Variants in GALNT3 observed in about 807,000 individuals in gnomAD.
GALNT3 encodes GalNAc transferase 3.
In GALNT3, 51 loss-of-function variants were observed where a neutral mutation model predicts 69.8. That is an observed-to-expected ratio of 0.73 (90% CI 0.58 to 0.92). The LOEUF is 0.92. GALNT3 is among the 40% of genes least tolerant of loss of function. The probability of loss-of-function intolerance (pLI) is 0.00; values close to 1 mark genes in which losing one functional copy is unlikely to be tolerated. For synonymous variants in GALNT3, 265 were observed against 248.5 expected (o/e 1.07, Z -0.63); for missense variants, 711 against 760.0 (o/e 0.94, Z 0.76).
chr2:165,748,920 C>A lies in GALNT3; in HGVS notation c.1780-17G>T. Reference sequence around the variant, plus strand: ...AAGTTGATCCTAGAATAAAAGGAAACAACAGACATTAAATTCCAAGACTCA... The same window carrying A: ...AAGTTGATCCTAGAATAAAAGGAAAAAACAGACATTAAATTCCAAGACTCA... On this transcript the variant is annotated splice_polypyrimidine_tract_variant and intron_variant, in intron 10 of 10. Coordinates refer to ENST00000392701, the MANE Select transcript of GALNT3 (RefSeq NM_004482.4). 6.2e-7 allele frequency: 1 copy of A among 1,604,564 alleles called. No individual in the cohort carries two copies. The highest frequency in any genetic ancestry group is 1.1e-5 in the South Asian group (1 of 90,468).
chr2:165,778,005 C>G (rs1683006632), intron 1 of GALNT3, among the ~76,000 whole-genome samples: 1 of 152,150 alleles, frequency 6.6e-6, no homozygotes, highest in Non-Finnish European at 1.5e-5. Context: ...CTCAGCTACC[C>G]CTGGTCAGGT....
chr2:165,782,667 T>G (rs1683137376), intron 1 of GALNT3, among the ~76,000 whole-genome samples: 1 of 152,186 alleles, frequency 6.6e-6, no homozygotes, highest in Non-Finnish European at 1.5e-5. Context: ...CTGAGCACTT[T>G]TAAGTCTCCA....
intron 9 of GALNT3, among the ~76,000 whole-genome samples, chr2:165,751,058 G>T (rs1688349619): frequency 6.6e-6 from 1 of 152,106 alleles, no homozygotes; most frequent in South Asian, 2.1e-4. Context: ...TGTGTGTGGT[G>T]TGTAGACCTG....
intron 7 of GALNT3, 118 bp from the exon 8 acceptor site, chr2:165,755,181 A>G: frequency 1.0e-6 from 1 of 974,430 alleles, no homozygotes; most frequent in Non-Finnish European, 1.6e-6. Flanking sequence ...CTAAAAATTC[A>G]AGAGGCAATT....
At chr2:165,764,107 A>G (rs752370010) in intron 3 of GALNT3, among the ~76,000 whole-genome samples, 2 of 152,250 alleles carry the variant, frequency 1.3e-5, no homozygotes, top group Non-Finnish European at 2.9e-5. Context: ...TTTACAAGTT[A>G]GAGTATTTGT....
At chr2:165,781,453 C>T (rs956612419) in intron 1 of GALNT3, among the ~76,000 whole-genome samples, 9 of 151,792 alleles carry the variant, frequency 5.9e-5, no homozygotes, top group African/African-American at 1.7e-4. Flanking sequence ...ATAAATTAGC[C>T]GGGTGTGGTG....
rs149017052 is a variant in GALNT3, at chr2:165,757,212, A to T, written c.1227T>A (p.Pro409=). Residue 409 remains proline (P), a synonymous_variant, in exon 7 of 11, where the codon CCT becomes CCA. Coordinates refer to ENST00000392701, the MANE Select transcript of GALNT3 (RefSeq NM_004482.4). ...GAAAAACATGTCCAACAACAGAGCA[A>T]GGCATAATCTCCAACTGCCCACCAC... ...WQCGGQLEIM[P]CSVVGHVFRS... 1.7e-4 allele frequency: 271 copies of T among 1,613,970 alleles called. No homozygotes were observed. The highest frequency in any genetic ancestry group is 2.3e-4 in the Non-Finnish European group (268 of 1,179,954).
At chr2:165,769,420 A>AATAATAATAATAATG (rs1435245640) in intron 2 of GALNT3, among the ~76,000 whole-genome samples, 1 of 139,194 alleles carries the variant, frequency 7.2e-6, no homozygotes, top group Non-Finnish European at 1.5e-5. Context: ...TAATAATAAT[A>AATAATAATAATAATG]ATAATAATAA....
At chr2:165,774,702 T>C (rs1688813824) in intron 1 of GALNT3, among the ~76,000 whole-genome samples, 1 of 152,120 alleles carries the variant, frequency 6.6e-6, no homozygotes, top group African/African-American at 2.4e-5. Context: ...TTCTGGCCCT[T>C]ACCACAATGT....
intron 9 of GALNT3, among the ~76,000 whole-genome samples, chr2:165,750,482 C>T (rs1045676888): frequency 6.6e-6 from 1 of 152,152 alleles, no homozygotes; most frequent in African/African-American, 2.4e-5. Flanking sequence ...CCAAGTAATT[C>T]GTCCCTTAGC....
intron 3 of GALNT3, among the ~76,000 whole-genome samples, chr2:165,762,721 A>G (rs1688574146): frequency 6.6e-6 from 1 of 152,220 alleles, no homozygotes; most frequent in Non-Finnish European, 1.5e-5. Context: ...AAATTGGATA[A>G]GGTTTGTAAT....
At chr2:165,784,264 T>A (rs1451922488) in intron 1 of GALNT3, among the ~76,000 whole-genome samples, 10 of 152,134 alleles carry the variant, frequency 6.6e-5, no homozygotes, top group Non-Finnish European at 1.2e-4. Context: ...GAGGCCCTGA[T>A]GAGTTTTCAG....
chr2:165,781,340 G>A (rs1270425687), intron 1 of GALNT3, among the ~76,000 whole-genome samples: 2 of 152,132 alleles, frequency 1.3e-5, no homozygotes, highest in East Asian at 1.9e-4. Flanking sequence ...AGTGGCTCAT[G>A]CCTGTAATTA....
intron 1 of GALNT3, among the ~76,000 whole-genome samples, chr2:165,780,681 T>C (rs529189559): frequency 1.3e-5 from 2 of 152,074 alleles, no homozygotes; most frequent in Admixed American, 1.3e-4. Context: ...TTGTTGTTTT[T>C]TCTTCTAACA....
chr2:165,765,715 C>T lies in GALNT3; in HGVS notation c.516-659G>A, dbSNP rs567971172. On this transcript the variant is annotated intron_variant, in intron 2 of 10. Coordinates refer to ENST00000392701, the MANE Select transcript of GALNT3 (RefSeq NM_004482.4). ...ATGTTAGCCAGGATGGTCTCGATCACCTGACCTTGTGATCCACCCGCCTAG... is the reference window on the plus strand; with the variant it reads ...ATGTTAGCCAGGATGGTCTCGATCATCTGACCTTGTGATCCACCCGCCTAG... Among the ~76,000 whole-genome samples the T allele has an allele frequency of 2.6e-5, 4 of 152,216 alleles. No homozygotes were observed. In the South Asian group the frequency reaches 8.3e-4, roughly 32 times the overall value.
chr2:165,761,495 A>T (rs983311251), intron 4 of GALNT3, among the ~76,000 whole-genome samples: 1 of 152,148 alleles, frequency 6.6e-6, no homozygotes, highest in Non-Finnish European at 1.5e-5. Flanking sequence ...TACAGGAATG[A>T]GCCACCACGC....
intron 1 of GALNT3, among the ~76,000 whole-genome samples, chr2:165,778,617 A>G (rs889285390): frequency 6.6e-6 from 1 of 152,216 alleles, no homozygotes; most frequent in Non-Finnish European, 1.5e-5. Flanking sequence ...GCTGAGATCC[A>G]GAGATGTCTA....
At chr2:165,789,831 C>A (rs11692323) in intron 1 of GALNT3, among the ~76,000 whole-genome samples, 21,904 of 152,184 alleles carry the variant, frequency 0.14, 1,900 homozygotes, top group East Asian at 0.33. Context: ...ATTTCTGCAG[C>A]TGGACATAAT....
At chr2:165,768,019 GC>G (rs1559000621) in intron 2 of GALNT3, among the ~76,000 whole-genome samples, 3 of 151,918 alleles carry the variant, frequency 2.0e-5, no homozygotes, top group Non-Finnish European at 4.4e-5. Context: ...GACTACAGGC[GC>G]ACATCACCAT....
Sources: allele counts gnomAD v4.1 joint callset (sites outside exome capture counted in the v4.1 genomes callset), GRCh38; gene constraint gnomAD v4.1.1; transcripts MANE v1.5; gene names NCBI Gene and HGNC (gene_info 2026-07-23, HGNC 2026-07-21).